SLC25A30: variants seen among roughly 807,000 people sequenced by gnomAD.
SLC25A30 encodes solute carrier family 25 member 30, also known as kidney mitochondrial carrier protein 1.
In SLC25A30, 29 loss-of-function variants were observed where a neutral mutation model predicts 42.7. The observed-to-expected ratio is 0.68, with a 90% CI of 0.51 to 0.93. The LOEUF is 0.93. Ranked by LOEUF, SLC25A30 falls within the 40% of genes least tolerant of loss-of-function variation. The pLI, the probability that SLC25A30 is intolerant of heterozygous loss-of-function variation, is 0.00. For missense variants in SLC25A30, 300 were observed against 359.7 expected (o/e 0.83, Z 1.34); for synonymous variants, 124 against 131.0 (o/e 0.95, Z 0.37).
the SLC25A30 span, among the ~76,000 whole-genome samples, chr13:45,426,883 C>T: frequency 3.9e-5 from 6 of 152,082 alleles, no homozygotes; most frequent in East Asian, 1.9e-4. Context: ...TATTAAACTT[C>T]GCATGAATAG....
chr13:45,419,374 A>G (rs1305284362), upstream of SLC25A30, among the ~76,000 whole-genome samples: 1 of 150,986 alleles, frequency 6.6e-6, no homozygotes, highest in East Asian at 2.0e-4. Flanking sequence ...GCTGGAGTGC[A>G]ATGGCACCAT....
At chr13:45,418,431 C>CCCCGT (rs1883737056), upstream of SLC25A30, 2 of 152,516 alleles carry the variant, frequency 1.3e-5, no homozygotes, top group South Asian at 4.1e-4. Flanking sequence ...CCCCGCGCCG[C>CCCCGT]CCCGCCCCGT....
At chr13:45,428,856 G>GAA in the SLC25A30 span, among the ~76,000 whole-genome samples, 21 of 151,096 alleles carry the variant, frequency 1.4e-4, no homozygotes, top group South Asian at 2.1e-3. Flanking sequence ...TGGGTGGAGA[G>GAA]AGAGAGACAA....
At chr13:45,411,987 A>G (rs1593624544) in intron 1 of SLC25A30, 4 of 92,314 alleles carry the variant, frequency 4.3e-5, no homozygotes, top group African/African-American at 1.8e-4. Context: ...GTTCACTGCT[A>G]TCTTAGTGAG....
chr13:45,397,217 G>T, intron 9 of SLC25A30, 41 bp downstream of exon 9: 1 of 1,249,908 alleles, frequency 8.0e-7, no homozygotes, highest in Non-Finnish European at 1.2e-6. Flanking sequence ...GTATTCTTTA[G>T]CTGTATCTTT....
chr13:45,402,402 A>C, intron 5 of SLC25A30, 32 bp from the exon 6 acceptor site: 2 of 1,559,928 alleles, frequency 1.3e-6, no homozygotes, highest in Non-Finnish European at 1.8e-6. Context: ...AACATCAGAA[A>C]GAAACTACCA....
the SLC25A30 span, among the ~76,000 whole-genome samples, chr13:45,424,614 TATAA>T: frequency 1.7e-5 from 1 of 59,698 alleles, no homozygotes; most frequent in East Asian, 3.9e-4. Context: ...TATAAATATA[TATAA>T]ATATATATAA....
chr13:45,425,587 TATATATATACATATATATATAC>T, the SLC25A30 span, among the ~76,000 whole-genome samples: 5 of 79,102 alleles, frequency 6.3e-5, no homozygotes, highest in East Asian at 2.4e-4. Flanking sequence ...TATATATAAA[TATATATATACATATATATATAC>T]ATATATAAAT....
chr13:45,418,947 A>AAC (rs1566218091), upstream of SLC25A30, among the ~76,000 whole-genome samples: 7 of 52,088 alleles, frequency 1.3e-4, no homozygotes, highest in Non-Finnish European at 2.1e-4. Flanking sequence ...TCTCAAAAAA[A>AAC]AAAAAAAAAA....
At chr13:45,415,574 A>T (rs1331429129) in intron 1 of SLC25A30, among the ~76,000 whole-genome samples, 2 of 151,848 alleles carry the variant, frequency 1.3e-5, no homozygotes, top group African/African-American at 4.8e-5. Flanking sequence ...AACATGGTGA[A>T]ACCCGGTCTC....
intron 3 of SLC25A30, among the ~76,000 whole-genome samples, chr13:45,406,327 C>T (rs1301893052): frequency 2.0e-5 from 3 of 152,180 alleles, no homozygotes; most frequent in African/African-American, 4.8e-5. Flanking sequence ...AGGCCTCGGC[C>T]TCCCAAAGTG....
Position 45,395,646 on chromosome 13 carries a change from A to C in SLC25A30, c.*328T>G, listed in dbSNP as rs749617355. 1 of 1,198,716 alleles carries C rather than the reference A, an allele frequency of 8.3e-7. No individual in the cohort carries two copies. The highest frequency in any genetic ancestry group is 1.0e-6 in the Non-Finnish European group (1 of 952,796). 74.3% of individuals were successfully genotyped at this position (1,198,716 alleles called of 1,614,324 possible). ...CATGAGCTGAGATGCATCAGGAGCTACTCTCCCTGAATAAAACAATACATC... is the reference window on the plus strand; with the variant it reads ...CATGAGCTGAGATGCATCAGGAGCTCCTCTCCCTGAATAAAACAATACATC... On this transcript the variant is annotated 3_prime_UTR_variant, in exon 10 of 10. Coordinates refer to ENST00000519676, the MANE Select transcript of SLC25A30 (RefSeq NM_001010875.4).
At chr13:45,399,787 G>T (rs1272777041) in intron 7 of SLC25A30, among the ~76,000 whole-genome samples, 2 of 151,684 alleles carry the variant, frequency 1.3e-5, no homozygotes, top group Non-Finnish European at 2.9e-5. Flanking sequence ...CAAAGAAAAA[G>T]ATCTCCTTAC....
At chr13:45,424,969 T>TATAA in the SLC25A30 span, among the ~76,000 whole-genome samples, 1 of 77,316 alleles carries the variant, frequency 1.3e-5, no homozygotes, top group East Asian at 3.6e-4. Context: ...TATATAAATA[T>TATAA]ATATAAGTAT....
At chr13:45,431,963 T>C in the SLC25A30 span, among the ~76,000 whole-genome samples, 1 of 152,024 alleles carries the variant, frequency 6.6e-6, no homozygotes, top group East Asian at 1.9e-4. Context: ...TGTCCTGCTG[T>C]CTCTGCCTTT....
rs1343543870 is a variant in SLC25A30, at chr13:45,397,166, C to T, written c.834+92G>A. ...AGGAACTCAAAATAATCAGAACCTACTTCTAAATTATAATTAATAACATGA... is the reference window on the plus strand; with the variant it reads ...AGGAACTCAAAATAATCAGAACCTATTTCTAAATTATAATTAATAACATGA... On this transcript the variant is annotated intron_variant, in intron 9 of 9. Coordinates refer to ENST00000519676, the MANE Select transcript of SLC25A30 (RefSeq NM_001010875.4). The T allele has an allele frequency of 7.7e-6, 7 of 910,024 alleles. No homozygotes were observed. In the East Asian group the frequency reaches 1.3e-4, roughly 17 times the overall value. 56.4% of individuals were successfully genotyped at this position (910,024 alleles called of 1,614,324 possible).
At chr13:45,406,081 T>C in intron 3 of SLC25A30, 104 bp from the exon 4 acceptor site, 1 of 1,003,578 alleles carries the variant, frequency 1.0e-6, no homozygotes, top group Non-Finnish European at 1.5e-6. Flanking sequence ...CTACATTCTC[T>C]AAAACAATTT....
chr13:45,424,422 TATGA>T, the SLC25A30 span, among the ~76,000 whole-genome samples: 2 of 56,540 alleles, frequency 3.5e-5, no homozygotes, highest in Non-Finnish European at 6.4e-5. Flanking sequence ...TATATAAATA[TATGA>T]ATATATATAT....
In SLC25A30 at chr13:45,402,328, T is replaced by C; in HGVS notation, c.436A>G (p.Ile146Val). The change falls in exon 6 of 10, where the codon ATA becomes GTA. Residue 146 changes from isoleucine (I) to valine (V), a missense_variant. Coordinates refer to ENST00000519676, the MANE Select transcript of SLC25A30 (RefSeq NM_001010875.4). ...TGGTAAATGTTCATGAAGTTGCCTA[T>C]CATTCCTCCTTGAATGGTGTTGCTT... ...AQSNTIQGGM[I>V]GNFMNIYQQE... The C allele has an allele frequency of 6.2e-7, 1 of 1,614,138 alleles. No homozygotes were observed. Among genetic ancestry groups the C allele is most frequent in the Non-Finnish European group, 8.5e-7 (1 of 1,180,008 alleles).
Sources: gnomAD v4.1 joint callset for allele counts (sites outside exome capture counted in the v4.1 genomes callset) on GRCh38, gnomAD v4.1.1 for gene constraint, MANE v1.5 for transcripts, NCBI Gene and HGNC (gene_info 2026-07-23, HGNC 2026-07-21) for gene names.